ATOSA: variants seen among roughly 807,000 people sequenced by gnomAD.
ATOSA encodes the protein atos homolog protein A.
chr15:52,603,015 C>T, the ATOSA span, among the ~76,000 whole-genome samples: 2 of 152,138 alleles, frequency 1.3e-5, no homozygotes, highest in Non-Finnish European at 2.9e-5. Flanking sequence ...AAATGTCTTC[C>T]TGTATTGACT....
At chr15:52,678,129 G>A in the ATOSA span, 30 of 1,352,368 alleles carry the variant, frequency 2.2e-5, no homozygotes, top group Non-Finnish European at 3.0e-5. Context: ...AATGCTGAAA[G>A]AGACAAAAAT....
the ATOSA span, among the ~76,000 whole-genome samples, chr15:52,701,606 A>T: frequency 2.0e-5 from 3 of 152,340 alleles, no homozygotes; most frequent in East Asian, 5.8e-4. Context: ...AAATGTGAAA[A>T]GCAAAATTAT....
At chr15:52,704,540 A>G in the ATOSA span, among the ~76,000 whole-genome samples, 1 of 152,138 alleles carries the variant, frequency 6.6e-6, no homozygotes, top group African/African-American at 2.4e-5. Context: ...TCTGCACAGC[A>G]AAAGAAACTA....
the ATOSA span, among the ~76,000 whole-genome samples, chr15:52,672,701 G>A: frequency 2.0e-5 from 3 of 152,146 alleles, no homozygotes; most frequent in Admixed American, 2.0e-4. Context: ...GGTTTCTTCA[G>A]TTCTTGAAGA....
chr15:52,691,758 C>CT, the ATOSA span, among the ~76,000 whole-genome samples: 316 of 152,076 alleles, frequency 2.1e-3, 5 homozygotes, highest in East Asian at 0.013. Context: ...TCACTTGAGC[C>CT]CGGGGGGTCA....
chr15:52,666,721 C>A, the ATOSA span, among the ~76,000 whole-genome samples: 1 of 152,156 alleles, frequency 6.6e-6, no homozygotes, highest in Non-Finnish European at 1.5e-5. Context: ...ATGCCAGGTA[C>A]CTGTCTGTGT....
the ATOSA span, among the ~76,000 whole-genome samples, chr15:52,594,723 C>G: frequency 6.6e-6 from 1 of 152,316 alleles, no homozygotes; most frequent in African/African-American, 2.4e-5. Context: ...TCCATCCCCA[C>G]TACTACCACT....
At chr15:52,627,333 T>C in the ATOSA span, among the ~76,000 whole-genome samples, 1 of 152,320 alleles carries the variant, frequency 6.6e-6, no homozygotes, top group East Asian at 1.9e-4. Context: ...TAAATTCCAA[T>C]TAATACCTTA....
At chr15:52,647,080 G>A in the ATOSA span, among the ~76,000 whole-genome samples, 3 of 152,132 alleles carry the variant, frequency 2.0e-5, no homozygotes, top group Non-Finnish European at 4.4e-5. Context: ...TAGTCTCTGG[G>A]CCCAATGCAG....
At chr15:52,681,855 T>C in the ATOSA span, among the ~76,000 whole-genome samples, 2 of 152,200 alleles carry the variant, frequency 1.3e-5, no homozygotes, top group South Asian at 2.1e-4. Context: ...TCTAAGTTCT[T>C]TTACTTATTA....
chr15:52,700,300 CT>C, the ATOSA span, among the ~76,000 whole-genome samples: 1 of 152,184 alleles, frequency 6.6e-6, no homozygotes, highest in East Asian at 1.9e-4. Context: ...CCTAAACCCA[CT>C]TATTGCCTAC....
At chr15:52,634,604 C>CT in the ATOSA span, among the ~76,000 whole-genome samples, 2 of 109,652 alleles carry the variant, frequency 1.8e-5, no homozygotes, top group African/African-American at 3.4e-5. Flanking sequence ...TTTTTCTTTT[C>CT]TTTTTTTTTT....
chr15:52,648,922 T>C, the ATOSA span: 2 of 152,118 alleles, frequency 1.3e-5, no homozygotes, highest in Non-Finnish European at 2.9e-5. Flanking sequence ...AACTGAGGAA[T>C]CCAGTGAAGA....
At chr15:52,666,154 T>C in the ATOSA span, among the ~76,000 whole-genome samples, 1 of 152,184 alleles carries the variant, frequency 6.6e-6, no homozygotes, top group Non-Finnish European at 1.5e-5. Context: ...CTCATATTAC[T>C]AGTGTAATTT....
the ATOSA span, among the ~76,000 whole-genome samples, chr15:52,602,059 G>A: frequency 6.6e-6 from 1 of 152,034 alleles, no homozygotes; most frequent in Non-Finnish European, 1.5e-5. Flanking sequence ...ACTTCTACCA[G>A]ACTTACATTG....
the ATOSA span, among the ~76,000 whole-genome samples, chr15:52,637,756 T>C: frequency 6.6e-6 from 1 of 152,226 alleles, no homozygotes; most frequent in African/African-American, 2.4e-5. Context: ...AGTCACTTAG[T>C]AGAAACAGAG....
At chr15:52,598,460 TAA>T in the ATOSA span, 1 of 152,214 alleles carries the variant, frequency 6.6e-6, no homozygotes, top group Non-Finnish European at 1.5e-5. Flanking sequence ...ATTACAGGGA[TAA>T]GACTTTGCCC....
the ATOSA span, among the ~76,000 whole-genome samples, chr15:52,599,907 GTCTTC>G: frequency 6.6e-6 from 1 of 152,206 alleles, no homozygotes; most frequent in Admixed American, 6.5e-5. Context: ...ATTTCATCAG[GTCTTC>G]TCTTCTCCAC....
chr15:52,600,097 C>A, the ATOSA span: 1 of 1,245,034 alleles, frequency 8.0e-7, no homozygotes, highest in Non-Finnish European at 1.2e-6. Flanking sequence ...ATAAAATTTT[C>A]ATTTAAAGAA....
Sources: allele counts gnomAD v4.1 joint callset (sites outside exome capture counted in the v4.1 genomes callset), GRCh38; gene constraint gnomAD v4.1.1; transcripts MANE v1.5; gene names NCBI Gene and HGNC (gene_info 2026-07-23, HGNC 2026-07-21).